The following CFAP299 variants were observed in gnomAD, a reference collection of about 807,000 sequenced individuals.
The protein encoded by CFAP299 is cilia and flagella associated protein 299.
CFAP299 carries 21 observed loss-of-function variants against 27.0 expected under a neutral mutation model. The ratio of observed to expected loss-of-function variants is 0.78; its 90% confidence interval spans 0.55 to 1.12. CFAP299 has a LOEUF of 1.12. CFAP299 is among the 50% of genes most tolerant of loss of function. CFAP299 has a pLI of 0.00. For missense variants in CFAP299, 310 were observed against 276.6 expected (o/e 1.12, Z -0.86); for synonymous variants, 104 against 98.1 (o/e 1.06, Z -0.36).
intron 3 of CFAP299, 93 bp from the exon 4 acceptor site, chr4:80,869,900 C>T: frequency 8.4e-7 from 1 of 1,187,654 alleles, no homozygotes; most frequent in South Asian, 1.8e-5. Flanking sequence ...TATGGTCACT[C>T]ATATTAGTGT....
intron 5 of CFAP299, among the ~76,000 whole-genome samples, chr4:80,946,657 C>G (rs993781222): frequency 1.3e-5 from 2 of 152,174 alleles, no homozygotes; most frequent in African/African-American, 4.8e-5. Flanking sequence ...AATAACAATA[C>G]TCTTTTTTGG....
intron 5 of CFAP299, among the ~76,000 whole-genome samples, chr4:80,946,427 C>A (rs1452564759): frequency 6.6e-6 from 1 of 152,076 alleles, no homozygotes. Flanking sequence ...TCCCCTGATG[C>A]CTTTAAAGGG....
At chr4:80,330,930 G>T (rs1452571682), upstream of CFAP299, among the ~76,000 whole-genome samples, 1 of 152,150 alleles carries the variant, frequency 6.6e-6, no homozygotes, top group Non-Finnish European at 1.5e-5. Context: ...GGTGAAGAGG[G>T]TTGACATAGT....
intron 3 of CFAP299, among the ~76,000 whole-genome samples, chr4:80,833,464 C>T (rs1279560652): frequency 6.6e-6 from 1 of 151,928 alleles, no homozygotes. Flanking sequence ...CCACTGTGTG[C>T]ACACAGTAGG....
intron 3 of CFAP299, among the ~76,000 whole-genome samples, chr4:80,840,141 T>C (rs564733770): frequency 6.6e-6 from 1 of 152,262 alleles, no homozygotes; most frequent in East Asian, 1.9e-4. Context: ...ATGAAAAATA[T>C]ATGAATTTTA....
chr4:80,845,400 G>A (rs1369758330), intron 3 of CFAP299, among the ~76,000 whole-genome samples: 1 of 151,812 alleles, frequency 6.6e-6, no homozygotes, highest in Admixed American at 6.6e-5. Context: ...TAAATTGAAA[G>A]CCATTATTAG....
At chr4:80,785,440 C>T (rs1727187811) in intron 3 of CFAP299, among the ~76,000 whole-genome samples, 1 of 152,064 alleles carries the variant, frequency 6.6e-6, no homozygotes, top group Non-Finnish European at 1.5e-5. Flanking sequence ...GTAGGGTTTA[C>T]CATTTCCTTT....
intron 4 of CFAP299, among the ~76,000 whole-genome samples, chr4:80,901,361 A>G (rs1446115095): frequency 6.6e-6 from 1 of 152,146 alleles, no homozygotes; most frequent in Non-Finnish European, 1.5e-5. Flanking sequence ...TCTGCTAGAG[A>G]CATCTTCTTT....
In CFAP299 at chr4:80,963,631, C is replaced by G; in HGVS notation, c.*19C>G. 6.7e-7 allele frequency: 1 copy of G among 1,491,204 alleles called. No individual in the cohort carries two copies. Among genetic ancestry groups the G allele is most frequent in the Non-Finnish European group, 9.3e-7 (1 of 1,080,258 alleles). 92.4% of individuals were successfully genotyped at this position (1,491,204 alleles called of 1,614,324 possible). A position where few individuals can be genotyped will look rare whatever the true frequency, so the allele number is the denominator to read the frequency against. Reference sequence around the variant, plus strand: ...GACTTAAGTACCAACATGTTAATTTCCTAATAATTTGCTAAATTTAAATAA... The same window carrying G: ...GACTTAAGTACCAACATGTTAATTTGCTAATAATTTGCTAAATTTAAATAA... On this transcript the variant is annotated 3_prime_UTR_variant, in exon 6 of 6. Coordinates refer to ENST00000358105, the MANE Select transcript of CFAP299 (RefSeq NM_152770.3).
At chr4:80,436,597 T>A (rs1005549495) in intron 2 of CFAP299, among the ~76,000 whole-genome samples, 1 of 152,212 alleles carries the variant, frequency 6.6e-6, no homozygotes, top group African/African-American at 2.4e-5. Context: ...CCACCGTGCC[T>A]GGCCAAAATG....
chr4:80,645,562 C>T (rs1739965704), intron 3 of CFAP299, among the ~76,000 whole-genome samples: 1 of 152,132 alleles, frequency 6.6e-6, no homozygotes, highest in Non-Finnish European at 1.5e-5. Flanking sequence ...CATAAACACA[C>T]ACATATTTAC....
At chr4:80,509,772 A>T (rs1025152069) in intron 2 of CFAP299, among the ~76,000 whole-genome samples, 7 of 152,262 alleles carry the variant, frequency 4.6e-5, no homozygotes, top group South Asian at 2.1e-4. Flanking sequence ...CTTCATTGAC[A>T]TGAGTGATGA....
At chr4:80,534,275 G>A (rs1288483327) in intron 2 of CFAP299, among the ~76,000 whole-genome samples, 3 of 145,082 alleles carry the variant, frequency 2.1e-5, no homozygotes, top group Admixed American at 6.8e-5. Flanking sequence ...CCTTAAAAGC[G>A]TAAGTTATCT....
chr4:80,876,168 T>C (rs1348915519), intron 4 of CFAP299, among the ~76,000 whole-genome samples: 1 of 148,890 alleles, frequency 6.7e-6, no homozygotes, highest in Non-Finnish European at 1.5e-5. Flanking sequence ...AATATTATAT[T>C]ATATATAATA....
intron 3 of CFAP299, among the ~76,000 whole-genome samples, chr4:80,671,460 T>C (rs948400508): frequency 2.6e-5 from 4 of 152,190 alleles, no homozygotes; most frequent in Admixed American, 2.0e-4. Flanking sequence ...TTGCTTTGGA[T>C]CGTCTTGGCA....
At chr4:80,438,994 GCTAT>G (rs373732762) in intron 2 of CFAP299, among the ~76,000 whole-genome samples, 171 of 152,188 alleles carry the variant, frequency 1.1e-3, no homozygotes, top group African/African-American at 3.8e-3. Context: ...GTTCTAAAAA[GCTAT>G]CTATTTTTGT....
chr4:80,647,988 T>A (rs945361958), intron 3 of CFAP299, among the ~76,000 whole-genome samples: 1 of 152,012 alleles, frequency 6.6e-6, no homozygotes. Flanking sequence ...ACCCAGGAGG[T>A]GGAGGTTGCA....
intron 3 of CFAP299, among the ~76,000 whole-genome samples, chr4:80,611,274 C>T (rs1230262541): frequency 6.6e-6 from 1 of 152,002 alleles, no homozygotes; most frequent in Non-Finnish European, 1.5e-5. Context: ...TCTTTCTCCA[C>T]TTTTAGATAC....
chr4:80,508,775 C>T (rs1245812817), intron 2 of CFAP299, among the ~76,000 whole-genome samples: 3 of 152,132 alleles, frequency 2.0e-5, no homozygotes, highest in Non-Finnish European at 4.4e-5. Context: ...CCAGACTGGT[C>T]TTGAAATCCT....
Sources: gnomAD v4.1 joint callset for allele counts (sites outside exome capture counted in the v4.1 genomes callset) on GRCh38, gnomAD v4.1.1 for gene constraint, MANE v1.5 for transcripts, NCBI Gene and HGNC (gene_info 2026-07-23, HGNC 2026-07-21) for gene names.